Variants in TEX11 observed in about 807,000 individuals in gnomAD.
The protein encoded by TEX11 is testis-expressed protein 11.
Under a neutral mutation model 84.4 loss-of-function variants are expected in TEX11, and 7 were observed. The ratio of observed to expected loss-of-function variants is 0.08; its 90% CI spans 0.05 to 0.16. The LOEUF is 0.16. Among genes scored for constraint, TEX11 ranks in the 10% least tolerant of loss-of-function variants. The pLI is 1.00. For synonymous variants in TEX11, 264 were observed against 222.8 expected (o/e 1.18, Z -1.64); for missense variants, 551 against 660.5 (o/e 0.83, Z 1.82).
intron 9 of TEX11, among the ~76,000 whole-genome samples, chrX:70,804,971 C>T (rs981785636): frequency 2.3e-4 from 16 of 68,197 alleles, no homozygotes; most frequent in African/African-American, 1.1e-3. Flanking sequence ...CACCAGCATC[C>T]TTTTTTTTTT....
chrX:70,520,074 C>A, the TEX11 span, among the ~76,000 whole-genome samples: 2 of 111,803 alleles, frequency 1.8e-5, no homozygotes, highest in African/African-American at 6.5e-5. Context: ...CCTCCTTTAG[C>A]TTGGAGAAGT....
intron 2 of TEX11, among the ~76,000 whole-genome samples, chrX:70,900,395 A>AAAAAAAGAAG (rs1556245995): frequency 1.7e-5 from 1 of 60,083 alleles, no homozygotes; most frequent in Non-Finnish European, 3.2e-5. Flanking sequence ...AAAAAAAAAA[A>AAAAAAAGAAG]AAGAAGAAGA....
chrX:70,543,087 C>T (rs2088068634), intron 28 of TEX11, among the ~76,000 whole-genome samples: 1 of 110,879 alleles, frequency 9.0e-6, no homozygotes, highest in Admixed American at 9.6e-5. Flanking sequence ...GAGGCTGAGG[C>T]AGGAGAATGG....
intron 7 of TEX11, among the ~76,000 whole-genome samples, chrX:70,846,448 A>C (rs931503686): frequency 8.9e-6 from 1 of 112,492 alleles, no homozygotes. Flanking sequence ...CTAAAACAGC[A>C]AAAAATAGGC....
chrX:70,750,933 A>AAAAATATATATATAT (rs1390175136), intron 9 of TEX11, among the ~76,000 whole-genome samples: 13 of 28,194 alleles, frequency 4.6e-4, no homozygotes, highest in Non-Finnish European at 9.1e-4. Context: ...AAAAAAAAAA[A>AAAAATATATATATAT]ATATATATAT....
At chrX:70,658,147 A>T (rs778357486) in intron 16 of TEX11, among the ~76,000 whole-genome samples, 1 of 111,648 alleles carries the variant, frequency 9.0e-6, no homozygotes, top group South Asian at 3.8e-4. Context: ...GGGCGTCGTG[A>T]CTCACATCTG....
chrX:70,816,990 A>G (rs951286255), intron 8 of TEX11, among the ~76,000 whole-genome samples: 9 of 110,624 alleles, frequency 8.1e-5, no homozygotes, highest in African/African-American at 3.0e-4. Context: ...TACATTAAGG[A>G]TAATTGAAGC....
the TEX11 span, among the ~76,000 whole-genome samples, chrX:70,512,394 T>G: frequency 9.3e-6 from 1 of 107,712 alleles, no homozygotes; most frequent in East Asian, 2.9e-4. Context: ...AATTTTTGTA[T>G]TTTTAGTAGC....
chrX:70,541,713 G>A (rs1184476929), intron 28 of TEX11, among the ~76,000 whole-genome samples: 1 of 111,774 alleles, frequency 8.9e-6, no homozygotes, highest in African/African-American at 3.3e-5. Context: ...AGCCGAGATG[G>A]CGCCACTGCA....
At chrX:70,804,799 C>T (rs935862160) in intron 9 of TEX11, among the ~76,000 whole-genome samples, 5 of 110,463 alleles carry the variant, frequency 4.5e-5, no homozygotes, top group Non-Finnish European at 7.6e-5. Context: ...AAACCAATGG[C>T]GTATGTGCAA....
In TEX11 at chrX:70,734,416, A is replaced by G. The variant is rs201881737; in HGVS notation, c.843+6285T>C. 1.2e-4 allele frequency among the ~76,000 whole-genome samples: 13 copies of G among 111,916 alleles called. No homozygotes were observed. The East Asian group carries it at 3.3e-3, about 29-fold the overall frequency. ...TGTGCATGTGTGGGGGAAAATGTGT[A>G]AAATAATTATTATTGATTTGCATTA... On this transcript the variant is annotated intron_variant, in intron 11 of 29. Coordinates refer to ENST00000374333, the MANE Select transcript of TEX11 (RefSeq NM_031276.3).
chrX:70,589,912 G>A (rs749990448), intron 25 of TEX11, among the ~76,000 whole-genome samples: 4 of 112,357 alleles, frequency 3.6e-5, no homozygotes, highest in South Asian at 7.4e-4. Flanking sequence ...TACCATTAGA[G>A]CCTAGGTATA....
At chrX:70,740,850 A>G (rs759472649) in intron 10 of TEX11, 54 bp from the exon 11 acceptor site, 124 of 758,666 alleles carry the variant, frequency 1.6e-4, no homozygotes, top group Non-Finnish European at 2.2e-4. Flanking sequence ...AAACTTCAAT[A>G]CAACAGCTGA....
chrX:70,746,959 T>C (rs1283634716), intron 9 of TEX11, among the ~76,000 whole-genome samples: 1 of 112,110 alleles, frequency 8.9e-6, no homozygotes, highest in Admixed American at 9.4e-5. Flanking sequence ...ATCAGCAAAG[T>C]ACCTTGAGCC....
the TEX11 span, among the ~76,000 whole-genome samples, chrX:70,514,379 G>A: frequency 1.7e-4 from 18 of 108,404 alleles, no homozygotes; most frequent in African/African-American, 5.4e-4. Flanking sequence ...GGTGGATCAC[G>A]AGGTCAAGAG....
intron 5 of TEX11, among the ~76,000 whole-genome samples, chrX:70,859,789 G>A (rs1434995759): frequency 9.0e-6 from 1 of 110,777 alleles, no homozygotes; most frequent in Non-Finnish European, 1.9e-5. Flanking sequence ...GCCAAGGTGA[G>A]CAGATCACCT....
intron 5 of TEX11, chrX:70,857,179 C>T (rs926581238): frequency 8.7e-6 from 1 of 115,039 alleles, no homozygotes; most frequent in Admixed American, 9.6e-5. Context: ...TAAAGATGGG[C>T]TTCCTCTCAT....
At chrX:70,605,884 T>A (rs947811248) in intron 23 of TEX11, among the ~76,000 whole-genome samples, 6 of 111,643 alleles carry the variant, frequency 5.4e-5, no homozygotes, top group African/African-American at 1.6e-4. Flanking sequence ...TTGTATTGAA[T>A]AGAGCCAAAA....
chrX:70,679,704 C>T (rs1293884109), intron 14 of TEX11, among the ~76,000 whole-genome samples: 3 of 109,445 alleles, frequency 2.7e-5, no homozygotes, highest in African/African-American at 6.7e-5. Flanking sequence ...CGTCTCTGCC[C>T]GGCAGCCACC....
Sources: gnomAD v4.1 joint callset for allele counts (sites outside exome capture counted in the v4.1 genomes callset) on GRCh38, gnomAD v4.1.1 for gene constraint, MANE v1.5 for transcripts, NCBI Gene and HGNC (gene_info 2026-07-23, HGNC 2026-07-21) for gene names.